Variants in DCP1A observed in about 807,000 individuals in gnomAD.
DCP1A encodes decapping mRNA 1A, also known as mRNA-decapping enzyme 1A.
DCP1A carries 20 observed loss-of-function variants against 58.0 expected under a neutral mutation model. That is an observed-to-expected ratio of 0.34 (90% CI 0.24 to 0.50). DCP1A has a LOEUF of 0.50. Ranked by LOEUF, DCP1A falls within the 20% of genes least tolerant of loss-of-function variation. The pLI is 0.98. For synonymous variants in DCP1A, 285 were observed against 275.1 expected, an observed-to-expected ratio of 1.04 and a Z score of -0.36; for missense variants, 613 against 712.2, an observed-to-expected ratio of 0.86 and a Z score of 1.59.
chr3:53,344,867 T>G (rs782078957), intron 2 of DCP1A, 35 bp downstream of exon 2: 1 of 1,485,744 alleles, frequency 6.7e-7, no homozygotes, highest in Non-Finnish European at 9.4e-7. Context: ...ACCACTAGAC[T>G]GTTAAAAACA....
At position 53,292,708 on chromosome 3, in the gene DCP1A, A is replaced by G; in HGVS notation, c.744T>C (p.Asp248=). The G allele has an allele frequency of 6.2e-7, 1 of 1,613,916 alleles. No homozygotes were observed. The highest frequency in any genetic ancestry group is 8.5e-7 in the Non-Finnish European group (1 of 1,179,888). ...ATGAATTGGGCTCTTTCTGGGAGGC[A>G]TCTCCTGGCAACCTCTCCATTTCTT... ...DSEEMERLPG[D]ASQKEPNSFL... Residue 248 remains aspartate, a synonymous_variant, in exon 7 of 10, where the codon GAT becomes GAC. Coordinates refer to ENST00000610213, the MANE Select transcript of DCP1A (RefSeq NM_018403.7).
intron 4 of DCP1A, among the ~76,000 whole-genome samples, chr3:53,317,012 A>G (rs1292387652): frequency 1.3e-5 from 2 of 152,196 alleles, no homozygotes; most frequent in Admixed American, 6.5e-5. Flanking sequence ...AATAGTTGTT[A>G]GAGCTAAAAG....
At chr3:53,344,733 G>A (rs1216781112) in intron 2 of DCP1A, among the ~76,000 whole-genome samples, 169 bp downstream of exon 2, 2 of 152,144 alleles carry the variant, frequency 1.3e-5, no homozygotes, top group Admixed American at 6.5e-5. Flanking sequence ...TCACAGAAAG[G>A]CTCAGAGAAA....
intron 3 of DCP1A, among the ~76,000 whole-genome samples, chr3:53,330,369 A>G (rs1448361351): frequency 6.6e-6 from 1 of 152,050 alleles, no homozygotes; most frequent in Non-Finnish European, 1.5e-5. Flanking sequence ...CTATCACTAC[A>G]AAAAATTTGC....
At chr3:53,323,337 G>C (rs1708023422) in intron 3 of DCP1A, among the ~76,000 whole-genome samples, 1 of 152,218 alleles carries the variant, frequency 6.6e-6, no homozygotes, top group Admixed American at 6.5e-5. Context: ...ATCTACTGCA[G>C]GTTCTTAGTT....
chr3:53,304,148 G>A (rs1707393994), intron 6 of DCP1A, 29 bp downstream of exon 6: 1 of 1,518,862 alleles, frequency 6.6e-7, no homozygotes, highest in South Asian at 1.1e-5. Flanking sequence ...TGTTACTTAG[G>A]ACAAAGCTAG....
chr3:53,319,313 G>T, intron 4 of DCP1A, 94 bp downstream of exon 4: 1 of 763,388 alleles, frequency 1.3e-6, no homozygotes, highest in Non-Finnish European at 2.1e-6. Flanking sequence ...GGAAATACAT[G>T]AGTTGGCAGA....
chr3:53,292,630 C>T lies in DCP1A; in HGVS notation c.822G>A (p.Leu274=), dbSNP rs1452517198. Residue 274 remains leucine (L), a synonymous_variant, in exon 7 of 10, where the codon CTG becomes CTA. Coordinates refer to ENST00000610213, the MANE Select transcript of DCP1A (RefSeq NM_018403.7). The part of the protein sequence containing the change: ...QLGGAPQSET[L]GVPSAAHHSV... ...AATGGTGGGCAGCAGAAGGGACACC[C>T]AGGGTTTCTGATTGAGGGGCTCCTC... The T allele has an allele frequency of 2.5e-6, 4 of 1,613,518 alleles. No homozygotes were observed. The highest frequency in any genetic ancestry group is 1.7e-5 in the Admixed American group (1 of 59,904).
intron 3 of DCP1A, among the ~76,000 whole-genome samples, chr3:53,334,694 T>G (rs993425602): frequency 6.6e-6 from 1 of 152,184 alleles, no homozygotes; most frequent in Non-Finnish European, 1.5e-5. Flanking sequence ...TATTTTCAAT[T>G]AATCATGTTA....
intron 3 of DCP1A, among the ~76,000 whole-genome samples, chr3:53,329,934 A>G (rs758437155): frequency 1.3e-5 from 2 of 152,222 alleles, no homozygotes; most frequent in Admixed American, 6.5e-5. Flanking sequence ...TAAAACTACC[A>G]TTACACACTG....
At chr3:53,342,365 A>G in intron 2 of DCP1A, 94 bp from the exon 3 acceptor site, 1 of 980,758 alleles carries the variant, frequency 1.0e-6, no homozygotes, top group Admixed American at 2.7e-5. Context: ...TCAAAAAAGA[A>G]TGCATTAGAA....
chr3:53,287,683 A>T (rs781788546), intron 9 of DCP1A, 23 bp from the exon 10 acceptor site: 3 of 1,554,368 alleles, frequency 1.9e-6, no homozygotes, highest in Non-Finnish European at 2.7e-6. Flanking sequence ...GTAAAGGTTA[A>T]GGATACGAAT....
chr3:53,307,430 G>A (rs769347537), intron 5 of DCP1A, among the ~76,000 whole-genome samples: 20 of 152,090 alleles, frequency 1.3e-4, no homozygotes, highest in Non-Finnish European at 2.1e-4. Flanking sequence ...CTTTACATAC[G>A]AACTAGCTCT....
rs1706583287 is a variant in DCP1A at position 53,285,078 on chromosome 3, GC to G, written c.*2501del. ...TGCCCCAGACACACCTCTCCTCCAA[GC>G]TCTGGGCTGCTCCTCTTGGAGTCTA... On this transcript the variant is annotated 3_prime_UTR_variant, in exon 10 of 10. Coordinates refer to ENST00000610213, the MANE Select transcript of DCP1A (RefSeq NM_018403.7). 6.6e-6 allele frequency: 1 copy of G among 152,148 alleles called. No homozygotes were observed. The highest frequency in any genetic ancestry group is 1.5e-5 in the Non-Finnish European group (1 of 68,100). The allele number at this position is 152,148 out of a possible 1,614,324, so 9.4% of individuals were successfully genotyped here.
chr3:53,312,153 A>G, intron 5 of DCP1A, 88 bp downstream of exon 5: 1 of 1,420,228 alleles, frequency 7.0e-7, no homozygotes. Context: ...CCTGGAGGCC[A>G]GCTTCCCTAG....
At chr3:53,339,706 A>T (rs1553692345) in intron 3 of DCP1A, among the ~76,000 whole-genome samples, 1 of 152,154 alleles carries the variant, frequency 6.6e-6, no homozygotes. Flanking sequence ...TTTCAATTTC[A>T]CAGGACTTTT....
rs1311516570 is a variant in DCP1A, at chr3:53,304,288, A to G, written c.513T>C (p.Asn171=). The G allele has an allele frequency of 5.0e-6, 8 of 1,606,056 alleles. No homozygotes were observed. The East Asian group carries it at 8.9e-5, about 18-fold the overall frequency. Residue 171 remains asparagine, a splice_region_variant and synonymous_variant, in exon 6 of 10, where the codon AAT becomes AAC. Transcript: ENST00000610213. The part of the protein sequence containing the change: ...LSRAKDEYER[N]QMGDSNISSP... ...TGGAGATATTTGAGTCACCCATCTG[A>G]TTCTTTAAAAAGTTAAAAGAAAAAA... is the stretch of plus-strand genomic sequence containing the variant.
chr3:53,306,081 T>C (rs966026386), intron 5 of DCP1A, among the ~76,000 whole-genome samples: 10 of 152,202 alleles, frequency 6.6e-5, no homozygotes, highest in Non-Finnish European at 1.5e-4. Flanking sequence ...TAAACTCAGT[T>C]CACAGACAGA....
chr3:53,345,372 CTT>C (rs1408524536), intron 1 of DCP1A, among the ~76,000 whole-genome samples: 3 of 152,096 alleles, frequency 2.0e-5, no homozygotes, highest in African/African-American at 7.2e-5. Flanking sequence ...TTATAGGATA[CTT>C]TGTTTCATCA....
Sources: gnomAD v4.1 joint callset for allele counts (sites outside exome capture counted in the v4.1 genomes callset) on GRCh38, gnomAD v4.1.1 for gene constraint, MANE v1.5 for transcripts, NCBI Gene and HGNC (gene_info 2026-07-23, HGNC 2026-07-21) for gene names.